Variants in ROBO2 observed in about 807,000 individuals in gnomAD.
The protein encoded by ROBO2 is roundabout homolog 2.
A neutral mutation model predicts 160.8 loss-of-function variants in ROBO2; 53 were observed. That is an observed-to-expected ratio of 0.33 (90% CI 0.26 to 0.41). The LOEUF (loss-of-function observed/expected upper bound fraction) is 0.41, where lower values mean the gene tolerates loss of function less well. Among genes scored for constraint, ROBO2 ranks in the 10% least tolerant of loss-of-function variants. The probability of loss-of-function intolerance (pLI) is 1.00; values close to 1 mark genes in which losing one functional copy is unlikely to be tolerated. For synonymous variants in ROBO2, 664 were observed against 611.7 expected (o/e 1.09, Z -1.26); for missense variants, 1,577 against 1,722.4 (o/e 0.92, Z 1.49).
At chr3:77,382,275 G>A (rs138613012) in intron 2 of ROBO2, among the ~76,000 whole-genome samples, 1 of 150,552 alleles carries the variant, frequency 6.6e-6, no homozygotes, top group Non-Finnish European at 1.5e-5. Context: ...AATTTGATAG[G>A]CCCTGTAAAA....
intron 2 of ROBO2, among the ~76,000 whole-genome samples, chr3:76,429,374 A>T (rs1020541825): frequency 1.3e-5 from 2 of 152,180 alleles, no homozygotes; most frequent in African/African-American, 4.8e-5. Context: ...TAGGGTTGTT[A>T]TGTGGTTGGA....
intron 2 of ROBO2, among the ~76,000 whole-genome samples, chr3:76,010,323 A>G (rs752790978): frequency 6.6e-6 from 1 of 152,252 alleles, no homozygotes; most frequent in Non-Finnish European, 1.5e-5. Flanking sequence ...AATAGTGGTT[A>G]TACCTGGTTC....
At chr3:76,170,415 T>C (rs2106993455) in intron 2 of ROBO2, among the ~76,000 whole-genome samples, 1 of 152,310 alleles carries the variant, frequency 6.6e-6, no homozygotes, top group East Asian at 1.9e-4. Flanking sequence ...TTAAATGTGT[T>C]TTTCTGTCTA....
chr3:76,256,663 A>G (rs543594614), intron 2 of ROBO2, among the ~76,000 whole-genome samples: 3 of 152,190 alleles, frequency 2.0e-5, no homozygotes, highest in South Asian at 4.1e-4. Context: ...GTGAACCATG[A>G]TCATGCCACT....
intron 2 of ROBO2, among the ~76,000 whole-genome samples, chr3:76,380,580 C>T (rs957057446): frequency 1.5e-4 from 23 of 152,014 alleles, no homozygotes; most frequent in African/African-American, 4.6e-4. Flanking sequence ...TTTGTTTTCT[C>T]TAGGTTTCTT....
intron 2 of ROBO2, among the ~76,000 whole-genome samples, chr3:77,139,652 T>C (rs1010872983): frequency 6.6e-6 from 1 of 152,196 alleles, no homozygotes; most frequent in Non-Finnish European, 1.5e-5. Flanking sequence ...GCAGAACAAT[T>C]TTCAGAGTAT....
chr3:76,418,610 A>T (rs1394259532), intron 2 of ROBO2, among the ~76,000 whole-genome samples: 1 of 149,248 alleles, frequency 6.7e-6, no homozygotes, highest in Non-Finnish European at 1.5e-5. Flanking sequence ...CCCTTGTTGG[A>T]ACTCCCGACC....
chr3:76,519,157 C>A (rs1348912180), intron 2 of ROBO2, among the ~76,000 whole-genome samples: 1 of 152,090 alleles, frequency 6.6e-6, no homozygotes, highest in Non-Finnish European at 1.5e-5. Flanking sequence ...GTTTCCAAAA[C>A]CTTATTACAT....
intron 2 of ROBO2, among the ~76,000 whole-genome samples, chr3:76,890,336 A>G (rs2074252879): frequency 6.6e-6 from 1 of 152,232 alleles, no homozygotes; most frequent in African/African-American, 2.4e-5. Flanking sequence ...TAAATTACAC[A>G]GTGAAGATTT....
At chr3:75,950,786 A>G (rs1322039875) in intron 2 of ROBO2, among the ~76,000 whole-genome samples, 3 of 151,870 alleles carry the variant, frequency 2.0e-5, no homozygotes, top group Non-Finnish European at 2.9e-5. Flanking sequence ...TGACATGTCT[A>G]TGTGGTTCCA....
chr3:77,391,117 T>C (rs1245843532), intron 2 of ROBO2, among the ~76,000 whole-genome samples: 1 of 152,060 alleles, frequency 6.6e-6, no homozygotes. Context: ...TCTATGATTT[T>C]GGAGGAGAAT....
At chr3:77,578,057 C>A (rs1203566212) in intron 15 of ROBO2, among the ~76,000 whole-genome samples, 1 of 152,032 alleles carries the variant, frequency 6.6e-6, no homozygotes, top group Non-Finnish European at 1.5e-5. Flanking sequence ...GACTCTCACT[C>A]TAGATGCTAC....
intron 2 of ROBO2, among the ~76,000 whole-genome samples, chr3:76,257,542 T>C (rs1313368087): frequency 6.6e-6 from 1 of 152,306 alleles, no homozygotes; most frequent in Non-Finnish European, 1.5e-5. Flanking sequence ...ACCAAATGCA[T>C]AGTTATTTCT....
intron 2 of ROBO2, among the ~76,000 whole-genome samples, chr3:76,666,842 A>C (rs567160328): frequency 6.6e-6 from 1 of 152,208 alleles, no homozygotes; most frequent in African/African-American, 2.4e-5. Flanking sequence ...TGATGTGTTA[A>C]AAAAATAACT....
intron 2 of ROBO2, among the ~76,000 whole-genome samples, chr3:76,521,464 C>T (rs1273850469): frequency 1.3e-5 from 2 of 152,034 alleles, no homozygotes; most frequent in African/African-American, 2.4e-5. Context: ...AGCAGAGATG[C>T]GGGAGGTAGG....
At chr3:76,172,835 T>C (rs2073093425) in intron 2 of ROBO2, among the ~76,000 whole-genome samples, 1 of 152,060 alleles carries the variant, frequency 6.6e-6, no homozygotes, top group Non-Finnish European at 1.5e-5. Context: ...AATTTTGCCA[T>C]GGAAAAATAT....
intron 6 of ROBO2, among the ~76,000 whole-genome samples, chr3:77,530,937 T>C (rs1482334879): frequency 6.6e-6 from 1 of 152,028 alleles, no homozygotes; most frequent in Non-Finnish European, 1.5e-5. Flanking sequence ...TATTTTTCTA[T>C]TGGAAGCCTC....
chr3:77,239,460 T>G (rs2151351662), intron 2 of ROBO2, among the ~76,000 whole-genome samples: 1 of 152,166 alleles, frequency 6.6e-6, no homozygotes, highest in South Asian at 2.1e-4. Context: ...GCAGCAAGAT[T>G]TATTGCAAAG....
At chr3:75,913,629 C>T (rs1435462845) in intron 1 of ROBO2, among the ~76,000 whole-genome samples, 1 of 152,096 alleles carries the variant, frequency 6.6e-6, no homozygotes, top group African/African-American at 2.4e-5. Flanking sequence ...AGTATTTGCA[C>T]TGCTGGGGTC....
Sources: allele counts gnomAD v4.1 joint callset (sites outside exome capture counted in the v4.1 genomes callset), GRCh38; gene constraint gnomAD v4.1.1; transcripts MANE v1.5; gene names NCBI Gene and HGNC (gene_info 2026-07-23, HGNC 2026-07-21).